Variants in DIP2A observed in about 807,000 individuals in gnomAD.
The protein encoded by DIP2A is DIP2 acetate--CoA ligase A, also known as disco-interacting protein 2 homolog A.
DIP2A carries 85 observed loss-of-function variants against 177.4 expected under a neutral mutation model. That is an observed-to-expected ratio of 0.48 (90% CI 0.40 to 0.57). DIP2A has a LOEUF of 0.57. DIP2A is among the 20% of genes least tolerant of loss of function. The pLI is 0.00. For missense variants in DIP2A, 1,791 were observed against 2,100.2 expected (o/e 0.85, Z 2.88); for synonymous variants, 886 against 881.8 (o/e 1.00, Z -0.08).
intron 10 of DIP2A, among the ~76,000 whole-genome samples, chr21:46,532,511 A>G (rs1369177657): frequency 1.3e-5 from 2 of 152,226 alleles, no homozygotes; most frequent in Non-Finnish European, 2.9e-5. Context: ...TATCATCTAC[A>G]TGAATTTCCC....
chr21:46,496,642 C>T (rs2057376746), intron 3 of DIP2A, among the ~76,000 whole-genome samples: 1 of 152,148 alleles, frequency 6.6e-6, no homozygotes, highest in African/African-American at 2.4e-5. Flanking sequence ...GCATTCAAAG[C>T]CCTCCTGAGC....
chr21:46,514,449 A>G (rs1266678257), intron 8 of DIP2A, among the ~76,000 whole-genome samples: 1 of 148,790 alleles, frequency 6.7e-6, no homozygotes, highest in Non-Finnish European at 1.5e-5. Flanking sequence ...AAAAAAAAAA[A>G]TGATGACTTT....
intron 5 of DIP2A, among the ~76,000 whole-genome samples, chr21:46,501,492 T>C (rs886308274): frequency 4.6e-5 from 7 of 152,124 alleles, no homozygotes; most frequent in African/African-American, 1.7e-4. Flanking sequence ...TGATCATAGG[T>C]CACTGCAGCC....
downstream of DIP2A, among the ~76,000 whole-genome samples, chr21:46,573,968 A>AAT (rs2060980759): frequency 6.6e-6 from 1 of 152,150 alleles, no homozygotes; most frequent in Admixed American, 6.5e-5. Context: ...TAAGTAAGGA[A>AAT]ATGGAGGCTT....
intron 3 of DIP2A, among the ~76,000 whole-genome samples, chr21:46,495,898 C>G (rs1180595896): frequency 6.6e-6 from 1 of 151,862 alleles, no homozygotes; most frequent in Non-Finnish European, 1.5e-5. Flanking sequence ...ATAGTGAAAC[C>G]CCATCTGTAC....
intron 8 of DIP2A, among the ~76,000 whole-genome samples, chr21:46,521,378 C>T (rs576530949): frequency 1.3e-5 from 2 of 152,088 alleles, no homozygotes; most frequent in East Asian, 1.9e-4. Context: ...TAGTAGAGAC[C>T]GGTTTTCACC....
Position 46,541,861 on chromosome 21 carries a change from T to C in DIP2A, c.2142T>C (p.Leu714=). The change falls in exon 18 of 38, where the codon CTT becomes CTC. Residue 714 remains leucine (L), a synonymous_variant. Transcript: ENST00000417564. Reference sequence around the variant, plus strand: ...ATACTGAAGAAAAGTTGTCAGTCCTTACTGTTCAGGACGTTGGTCAGGTGA... The same window carrying C: ...ATACTGAAGAAAAGTTGTCAGTCCTCACTGTTCAGGACGTTGGTCAGGTGA... ...RVDTEEKLSV[L]TVQDVGQVMP... is the part of the protein sequence containing the mutation. 6.2e-7 allele frequency: 1 copy of C among 1,614,048 alleles called. No homozygotes were observed. Among genetic ancestry groups the C allele is most frequent in the Non-Finnish European group, 8.5e-7 (1 of 1,179,890 alleles).
chr21:46,523,581 T>C (rs1459991034), intron 8 of DIP2A, among the ~76,000 whole-genome samples: 1 of 125,962 alleles, frequency 7.9e-6, no homozygotes, highest in Non-Finnish European at 1.8e-5. Flanking sequence ...TTAAATCTCT[T>C]ATTACCCAAC....
intron 10 of DIP2A, 47 bp downstream of exon 10, chr21:46,532,284 G>C (rs556270664): frequency 2.0e-6 from 3 of 1,476,112 alleles, no homozygotes; most frequent in African/African-American, 2.8e-5. Flanking sequence ...TTCTGAACTT[G>C]ATACCAGCAG....
chr21:46,476,020 G>T (rs1054378810), intron 1 of DIP2A, among the ~76,000 whole-genome samples: 1 of 151,586 alleles, frequency 6.6e-6, no homozygotes, highest in Non-Finnish European at 1.5e-5. Context: ...TGGATCACGA[G>T]GTCAGGAGAT....
At position 46,545,205 on chromosome 21, in the gene DIP2A, T is replaced by C; in HGVS notation, c.2245T>C (p.Cys749Arg). 2 of 1,609,948 alleles carry C rather than the reference T, an allele frequency of 1.2e-6. No individual in the cohort carries two copies. Among genetic ancestry groups the C allele is most frequent in the Non-Finnish European group, 1.7e-6 (2 of 1,176,512 alleles). Reference protein sequence around the residue: ...LCKTDEVGEICVSSSATGTAY... With the variant: ...LCKTDEVGEIRVSSSATGTAY... ...TAAAACTGATGAAGTGGGAGAAATATGCGTCAGTTCCAGTGCAACTGGCAC... is the reference window on the plus strand; with the variant it reads ...TAAAACTGATGAAGTGGGAGAAATACGCGTCAGTTCCAGTGCAACTGGCAC... The change falls in exon 19 of 38, where the codon TGC (cysteine) becomes CGC (arginine). Residue 749 changes from cysteine (C) to arginine (R), a missense_variant. Cys to Arg is a radical substitution (Grantham distance 180). Coordinates refer to ENST00000417564, the MANE Select transcript of DIP2A (RefSeq NM_015151.4).
Position 46,504,447 on chromosome 21 carries a change from G to A in DIP2A, c.742G>A (p.Val248Ile). 1 of 1,613,432 alleles carries A rather than the reference G, an allele frequency of 6.2e-7. No individual in the cohort carries two copies. The highest frequency in any genetic ancestry group is 1.1e-5 in the South Asian group (1 of 91,018). ...TCCACAGGTGGCTTCTGTGAGAAGT[G>A]TTCCTCGGGGGTGCAGCGGGAGCAT... The part of the protein sequence containing the change: ...ERPQVASVRS[V>I]PRGCSGSMLE... The change falls in exon 6 of 38, where the codon GTT becomes ATT. Residue 248 changes from valine to isoleucine, a missense_variant. Coordinates refer to ENST00000417564, the MANE Select transcript of DIP2A (RefSeq NM_015151.4).
In DIP2A at chr21:46,528,568, T is replaced by TTTTTTTTTTTTTTA. The variant is rs1569043246; in HGVS notation, c.1103-524_1103-523insTTTTTTTTTTTTTA. ...TTTTTTTTTTTTTTTTTTTTTTTTT[T>TTTTTTTTTTTTTTA]AGATAATGTCTTTATTGCCCAGGCT... On this transcript the variant is annotated intron_variant, in intron 8 of 37. Transcript: ENST00000417564. Among the ~76,000 whole-genome samples the TTTTTTTTTTTTTTA allele has an allele frequency of 1.8e-4, 16 of 90,636 alleles. 3 individuals are homozygous for TTTTTTTTTTTTTTA. The highest frequency in any genetic ancestry group is 1.4e-3 in the East Asian group (3 of 2,220). The allele number at this position is 90,636 out of a possible 152,430, so 59.5% of individuals were successfully genotyped here. A position where few individuals can be genotyped will look rare whatever the true frequency, so the allele number is the denominator to read the frequency against.
intron 8 of DIP2A, among the ~76,000 whole-genome samples, chr21:46,513,440 G>C (rs9789884): frequency 0.27 from 41,290 of 151,992 alleles, 5,996 homozygotes; most frequent in East Asian, 0.36. Context: ...CTGGGCTCCT[G>C]TTGGCGGGGG....
chr21:46,581,232 A>G, the DIP2A span, among the ~76,000 whole-genome samples: 4 of 152,086 alleles, frequency 2.6e-5, no homozygotes, highest in Non-Finnish European at 4.4e-5. Flanking sequence ...CACTTGGTCT[A>G]TTTGGCTATT....
chr21:46,563,847 C>T lies in DIP2A; in HGVS notation c.4090-11C>T. ...TTTCTTTAACAAGGGACATAGCTCT[C>T]CTCCTTCCAGATCCTCCCCGGCGTG... On this transcript the variant is annotated splice_polypyrimidine_tract_variant and intron_variant, in intron 34 of 37. Coordinates refer to ENST00000417564, the MANE Select transcript of DIP2A (RefSeq NM_015151.4). This position sits in a 1 kb window ranked among gnomAD's most constrained non-coding sequence, Gnocchi z 4.3. The T allele has an allele frequency of 5.0e-6, 8 of 1,613,160 alleles. No homozygotes were observed. Among genetic ancestry groups the T allele is most frequent in the Non-Finnish European group, 6.8e-6 (8 of 1,179,738 alleles).
In DIP2A at chr21:46,545,101, G is replaced by A. The variant is rs187605083; in HGVS notation, c.2177-36G>A. On this transcript the variant is annotated intron_variant, in intron 18 of 37. Coordinates refer to ENST00000417564, the MANE Select transcript of DIP2A (RefSeq NM_015151.4). The stretch of plus-strand genomic sequence containing the variant: ...CTTTGTGAGTGATCCATTTAAACAC[G>A]TTCTTGATAATTTTGAGTTTTTTTT... 149 of 1,557,840 alleles carry A rather than the reference G, an allele frequency of 9.6e-5. No individual in the cohort carries two copies. The African/African-American group carries it at 1.7e-3, about 18-fold the overall frequency.
At chr21:46,512,640 A>ATTTTTTTTTTTTTTT (rs35097201) in intron 8 of DIP2A, among the ~76,000 whole-genome samples, 1 of 150,668 alleles carries the variant, frequency 6.6e-6, no homozygotes, top group Non-Finnish European at 1.5e-5. Context: ...TTTCTTTTTT[A>ATTTTTTTTTTTTTTT]TTTTTTTTCT....
At chr21:46,493,695 C>T (rs2057150503) in intron 3 of DIP2A, among the ~76,000 whole-genome samples, 1 of 152,086 alleles carries the variant, frequency 6.6e-6, no homozygotes, top group Admixed American at 6.6e-5. Context: ...CTTTGATATC[C>T]ATGAATTTCC....
Sources: gnomAD v4.1 joint callset for allele counts (sites outside exome capture counted in the v4.1 genomes callset) on GRCh38, gnomAD v4.1.1 for gene constraint, Gnocchi (gnomAD v3.1) non-coding constraint, MANE v1.5 for transcripts, NCBI Gene and HGNC (gene_info 2026-07-23, HGNC 2026-07-21) for gene names.